The following DOCK4 variants were observed in gnomAD, a reference collection of about 807,000 sequenced individuals.
DOCK4 encodes dedicator of cytokinesis protein 4.
Under a neutral mutation model 268.1 loss-of-function variants are expected in DOCK4, and 97 were observed. That is an observed-to-expected ratio of 0.36 (90% CI 0.31 to 0.43). The LOEUF (loss-of-function observed/expected upper bound fraction) is 0.43. Ranked by LOEUF, DOCK4 falls within the 20% of genes least tolerant of loss-of-function variation. The pLI, the probability that DOCK4 is intolerant of heterozygous loss-of-function variation, is 1.00. For synonymous variants in DOCK4, 954 were observed against 887.2 expected (o/e 1.08, Z -1.34); for missense variants, 2,145 against 2,455.7 (o/e 0.87, Z 2.67).
Position 111,728,287 on chromosome 7 carries a change from A to G in DOCK4, c.5915T>C (p.Val1972Ala). Residue 1972 changes from valine to alanine, a missense_variant, in exon 53 of 53, where the codon GTC becomes GCC. Physicochemically the swap from Val to Ala is moderately conservative, Grantham distance 64 (BLOSUM62 0). Transcript: ENST00000428084. ...TAGAAAAGTGACTTATAACTGAGAGACCTTGCGGGGCAGGGGCCTGGGCCG... is the reference window on the plus strand; with the variant it reads ...TAGAAAAGTGACTTATAACTGAGAGGCCTTGCGGGGCAGGGGCCTGGGCCG... Reference protein sequence around the residue: ...GPRPRPLPRKVSQL With the variant: ...GPRPRPLPRKASQL The G allele has an allele frequency of 1.3e-6, 2 of 1,497,304 alleles. No homozygotes were observed. Among genetic ancestry groups the G allele is most frequent in the Non-Finnish European group, 1.8e-6 (2 of 1,123,526 alleles). The allele number at this position is 1,497,304 out of a possible 1,614,324, so 92.8% of individuals were successfully genotyped here.
intron 1 of DOCK4, among the ~76,000 whole-genome samples, chr7:112,012,181 G>A (rs1000595671): frequency 6.6e-6 from 1 of 152,058 alleles, no homozygotes; most frequent in African/African-American, 2.4e-5. Context: ...AGATTCAAAA[G>A]CCAAAATAAG....
chr7:111,872,659 G>T lies in DOCK4; in HGVS notation c.1745-95C>A, dbSNP rs918855472. The T allele has an allele frequency of 3.5e-5, 35 of 1,000,038 alleles. 1 individual carries two copies. The highest frequency in any genetic ancestry group is 2.1e-4 in the South Asian group (12 of 58,108). 61.9% of individuals were successfully genotyped at this position (1,000,038 alleles called of 1,614,324 possible). A position where few individuals can be genotyped will look rare whatever the true frequency, so the allele number is the denominator to read the frequency against. ...AGTAAAAGTAAAATTCTTAACACATGTGGCTCCCCTCTCCTAGCCACTCAA... is the reference window on the plus strand; with the variant it reads ...AGTAAAAGTAAAATTCTTAACACATTTGGCTCCCCTCTCCTAGCCACTCAA... On this transcript the variant is annotated intron_variant, in intron 17 of 52. Coordinates refer to ENST00000428084, the MANE Select transcript of DOCK4 (RefSeq NM_001363540.2).
chr7:112,078,223 T>C (rs1262216295), intron 1 of DOCK4, among the ~76,000 whole-genome samples: 2 of 152,168 alleles, frequency 1.3e-5, no homozygotes, highest in African/African-American at 4.8e-5. Context: ...TTAGTTTACA[T>C]CTAAATCTGA....
chr7:111,735,632 T>G (rs1386859575), intron 50 of DOCK4, among the ~76,000 whole-genome samples: 4 of 152,212 alleles, frequency 2.6e-5, no homozygotes, highest in Non-Finnish European at 5.9e-5. Flanking sequence ...CATTGATAAC[T>G]CTTTCTGAAA....
intron 30 of DOCK4, among the ~76,000 whole-genome samples, chr7:111,791,449 T>G (rs1035219404): frequency 8.6e-5 from 13 of 151,042 alleles, no homozygotes; most frequent in Non-Finnish European, 1.6e-4. Context: ...CGAGTGTCTG[T>G]TTTTTTTGTT....
Position 111,728,565 on chromosome 7 carries a change from ATTCACCTGATT to A in DOCK4, c.5626_5636del (p.Asn1876Ter). 6.2e-7 allele frequency: 1 copy of A among 1,613,966 alleles called. No homozygotes were observed. Among genetic ancestry groups the A allele is most frequent in the Non-Finnish European group, 8.5e-7 (1 of 1,179,894 alleles). ...GCACCGGCAGGGGGGCCGACTGTTC[ATTCACCTGATT>A]TTCAAAGCCTGAGGTTTCCGACGTG... On this transcript the variant is annotated frameshift_variant, in exon 53 of 53. Coordinates refer to ENST00000428084, the MANE Select transcript of DOCK4 (RefSeq NM_001363540.2). LOFTEE classifies it high-confidence loss of function.
At chr7:111,851,910 A>G (rs1804596589) in intron 23 of DOCK4, among the ~76,000 whole-genome samples, 1 of 151,578 alleles carries the variant, frequency 6.6e-6, no homozygotes, top group Admixed American at 6.6e-5. Flanking sequence ...GAGTGCAAAT[A>G]AAGCATCCAC....
chr7:112,037,209 T>C (rs1008601790), intron 1 of DOCK4, among the ~76,000 whole-genome samples: 9 of 152,186 alleles, frequency 5.9e-5, no homozygotes, highest in Non-Finnish European at 1.3e-4. Flanking sequence ...CAGCTGTAGG[T>C]CAATGTAAGT....
intron 39 of DOCK4, among the ~76,000 whole-genome samples, chr7:111,761,193 A>G (rs141601451): frequency 0.012 from 1,758 of 152,060 alleles, 39 homozygotes; most frequent in African/African-American, 0.038. Flanking sequence ...CCAAGTAGCT[A>G]GAATGACAGG....
intron 10 of DOCK4, among the ~76,000 whole-genome samples, chr7:111,944,498 G>A (rs1478362426): frequency 6.6e-6 from 1 of 152,106 alleles, no homozygotes; most frequent in Non-Finnish European, 1.5e-5. Flanking sequence ...ACAGAAATTA[G>A]AATTTTAAGA....
intron 1 of DOCK4, among the ~76,000 whole-genome samples, chr7:112,170,852 C>T (rs1818024181): frequency 6.6e-6 from 1 of 152,128 alleles, no homozygotes; most frequent in Non-Finnish European, 1.5e-5. Context: ...AGTATACACT[C>T]AGAAGTAGTA....
At chr7:112,106,616 T>C (rs1204961578) in intron 1 of DOCK4, among the ~76,000 whole-genome samples, 1 of 152,234 alleles carries the variant, frequency 6.6e-6, no homozygotes, top group Non-Finnish European at 1.5e-5. Flanking sequence ...TTCATAAGTA[T>C]TCCCAAGGAA....
intron 8 of DOCK4, among the ~76,000 whole-genome samples, chr7:111,947,746 G>A (rs1413620684): frequency 6.6e-6 from 1 of 151,908 alleles, no homozygotes; most frequent in East Asian, 1.9e-4. Flanking sequence ...TGGGTCGGGG[G>A]GAGGTCTCAC....
intron 15 of DOCK4, among the ~76,000 whole-genome samples, chr7:111,896,106 T>G (rs558108356): frequency 1.3e-5 from 2 of 152,148 alleles, no homozygotes; most frequent in Non-Finnish European, 2.9e-5. Flanking sequence ...AATGAACAAG[T>G]GAATGAATGA....
At position 111,778,308 on chromosome 7, in the gene DOCK4, T is replaced by C. The variant is rs770792587; in HGVS notation, c.3647A>G (p.Tyr1216Cys). The C allele has an allele frequency of 3.7e-5, 60 of 1,613,032 alleles. No individual in the cohort carries two copies. The highest frequency in any genetic ancestry group is 4.7e-5 in the Non-Finnish European group (55 of 1,179,342). The change falls in exon 36 of 53, where the codon TAT becomes TGT. Residue 1216 changes from tyrosine to cysteine, a missense_variant. Physicochemically the swap from Tyr to Cys is radical, Grantham distance 194. Transcript: ENST00000428084. ...GTTCTGTGCTTTGAGATGCAGATCA[T>C]AGAGTTTGTGAATGTAGCGTATATA... ...EMYIRYIHKL[Y>C]DLHLKAQNFT...
At chr7:112,058,157 G>A (rs751404790) in intron 1 of DOCK4, among the ~76,000 whole-genome samples, 1 of 151,136 alleles carries the variant, frequency 6.6e-6, no homozygotes, top group African/African-American at 2.4e-5. Flanking sequence ...TCTAGTAGCA[G>A]TGACAAGCAC....
chr7:111,979,270 A>G (rs1019282565), intron 7 of DOCK4, among the ~76,000 whole-genome samples: 3 of 152,206 alleles, frequency 2.0e-5, no homozygotes, highest in African/African-American at 7.2e-5. Context: ...ATTCATCTAC[A>G]ATCACTGTAT....
intron 1 of DOCK4, among the ~76,000 whole-genome samples, chr7:112,194,698 T>C (rs1180531573): frequency 2.0e-5 from 3 of 152,236 alleles, no homozygotes; most frequent in African/African-American, 7.2e-5. Context: ...TATGCTAATT[T>C]AAGAAATTAC....
intron 23 of DOCK4, among the ~76,000 whole-genome samples, chr7:111,859,570 T>A (rs904410018): frequency 2.2e-3 from 315 of 143,204 alleles, no homozygotes; most frequent in Non-Finnish European, 3.2e-3. Flanking sequence ...TAATTTTTTT[T>A]TTTTTTTTTT....
Sources: gnomAD v4.1 joint callset for allele counts (sites outside exome capture counted in the v4.1 genomes callset) on GRCh38, gnomAD v4.1.1 for gene constraint, MANE v1.5 for transcripts, NCBI Gene and HGNC (gene_info 2026-07-23, HGNC 2026-07-21) for gene names.